The following TSHZ2 variants were observed in gnomAD, a reference collection of about 807,000 sequenced individuals.
The protein encoded by TSHZ2 is teashirt homolog 2.
Under a neutral mutation model 74.4 loss-of-function variants are expected in TSHZ2, and 21 were observed. That is an observed-to-expected ratio of 0.28 (90% CI 0.20 to 0.41). The LOEUF (loss-of-function observed/expected upper bound fraction) is 0.41. Ranked by LOEUF, TSHZ2 falls within the 10% of genes least tolerant of loss-of-function variation. The pLI is 1.00. For missense variants in TSHZ2, 1,244 were observed against 1,293.5 expected, an observed-to-expected ratio of 0.96 and a Z score of 0.59; for synonymous variants, 540 against 515.3, an observed-to-expected ratio of 1.05 and a Z score of -0.65.
chr20:53,060,543 G>A (rs1984786319), intron 1 of TSHZ2, among the ~76,000 whole-genome samples: 1 of 152,206 alleles, frequency 6.6e-6, no homozygotes, highest in Admixed American at 6.5e-5. Flanking sequence ...AATAAGTTAT[G>A]CTAAGTTAGA....
At chr20:53,043,546 TAAAA>T (rs550659829) in intron 1 of TSHZ2, among the ~76,000 whole-genome samples, 1 of 149,888 alleles carries the variant, frequency 6.7e-6, no homozygotes, top group Non-Finnish European at 1.5e-5. Context: ...ATCTTGCACT[TAAAA>T]AAAAAATCTC....
At chr20:53,302,565 T>TC (rs1193157836) in intron 2 of TSHZ2, among the ~76,000 whole-genome samples, 1 of 152,208 alleles carries the variant, frequency 6.6e-6, no homozygotes, top group Non-Finnish European at 1.5e-5. Context: ...GGTGCTGGGT[T>TC]CCCGGGAGAA....
At chr20:53,271,208 A>C (rs553930172) in intron 2 of TSHZ2, among the ~76,000 whole-genome samples, 1 of 152,160 alleles carries the variant, frequency 6.6e-6, no homozygotes, top group Non-Finnish European at 1.5e-5. Flanking sequence ...GGGGAAAAAC[A>C]TGGGTCCTGG....
At chr20:53,107,645 G>T (rs73142257) in intron 1 of TSHZ2, among the ~76,000 whole-genome samples, 10,683 of 152,258 alleles carry the variant, frequency 0.07, 449 homozygotes, top group Non-Finnish European at 0.1. Context: ...GTGGAGAGTA[G>T]TTGTCATAAT....
intron 2 of TSHZ2, among the ~76,000 whole-genome samples, chr20:53,282,762 C>G (rs967458233): frequency 6.6e-6 from 1 of 152,168 alleles, no homozygotes; most frequent in Admixed American, 6.5e-5. Flanking sequence ...TAGCCAGTGG[C>G]GTCATGCAGT....
At chr20:53,340,091 T>C (rs200610) in intron 2 of TSHZ2, among the ~76,000 whole-genome samples, 89,695 of 151,578 alleles carry the variant, frequency 0.59, 28,125 homozygotes, top group African/African-American at 0.78. Flanking sequence ...GATCATCTCT[T>C]TCCAGAAGCA....
Position 53,028,182 on chromosome 20 carries a change from A to G in TSHZ2, c.40+54849A>G, listed in dbSNP as rs372007644. 1.0e-3 allele frequency among the ~76,000 whole-genome samples: 154 copies of G among 152,282 alleles called. 1 individual carries two copies. The Middle Eastern group carries it at 0.014, about 13-fold the overall frequency. ...ATGTGGGTACCAAGTACCCCATATG[A>G]TAGAATAAGTACTGGAGAGACTGAG... On this transcript the variant is annotated intron_variant, in intron 1 of 2. Transcript: ENST00000371497.
chr20:53,404,745 A>G (rs1398959367), intron 2 of TSHZ2, among the ~76,000 whole-genome samples: 2 of 152,196 alleles, frequency 1.3e-5, no homozygotes, highest in Non-Finnish European at 2.9e-5. Flanking sequence ...TTATTAACGA[A>G]ATATCCTATA....
At position 53,423,536 on chromosome 20, in the gene TSHZ2, A is replaced by AAG. The variant is rs571156690; in HGVS notation, c.*9-63605_*9-63604dup. 5.4e-3 allele frequency among the ~76,000 whole-genome samples: 827 copies of AAG among 152,334 alleles called. 1 individual carries two copies. The highest frequency in any genetic ancestry group is 9.9e-3 in the Non-Finnish European group (672 of 68,036). On this transcript the variant is annotated intron_variant, in intron 2 of 2. Coordinates refer to ENST00000371497, the MANE Select transcript of TSHZ2 (RefSeq NM_173485.6). ...ATCTGCTCTCTCTGCAACTCTAGGC[A>AAG]AGAGTGCCCATTTAGCCCAGGGTAG...
At chr20:53,423,569 A>G (rs886477514) in intron 2 of TSHZ2, among the ~76,000 whole-genome samples, 5 of 152,192 alleles carry the variant, frequency 3.3e-5, no homozygotes, top group African/African-American at 7.2e-5. Context: ...TAGGGCCTCA[A>G]CAAACTCTAT....
chr20:53,481,258 C>T (rs3042261), intron 2 of TSHZ2, among the ~76,000 whole-genome samples: 30,327 of 151,946 alleles, frequency 0.2, 3,167 homozygotes, highest in East Asian at 0.29. Flanking sequence ...GAGGTTTTTA[C>T]TTTACTTTTC....
At chr20:53,359,671 G>T (rs1980978834) in intron 2 of TSHZ2, among the ~76,000 whole-genome samples, 1 of 152,218 alleles carries the variant, frequency 6.6e-6, no homozygotes, top group Admixed American at 6.5e-5. Context: ...AAATACAACA[G>T]CTCTGAGCCA....
At chr20:53,281,006 C>T (rs11907384) in intron 2 of TSHZ2, among the ~76,000 whole-genome samples, 21,608 of 152,076 alleles carry the variant, frequency 0.14, 1,859 homozygotes, top group African/African-American at 0.23. Context: ...GCAAGTATTC[C>T]TAAAAGTAAA....
chr20:52,986,131 C>T (rs986454355), intron 1 of TSHZ2, among the ~76,000 whole-genome samples: 1 of 152,164 alleles, frequency 6.6e-6, no homozygotes, highest in Non-Finnish European at 1.5e-5. Flanking sequence ...GTGGCTCACG[C>T]CTGTAATCCC....
chr20:53,106,391 CTTTTTTTTTTT>C (rs71194458), intron 1 of TSHZ2, among the ~76,000 whole-genome samples: 35 of 58,988 alleles, frequency 5.9e-4, no homozygotes, highest in East Asian at 5.1e-3. Context: ...CTCACACTTT[CTTTTTTTTTTT>C]TTTTTTTTTT....
intron 2 of TSHZ2, among the ~76,000 whole-genome samples, chr20:53,367,788 G>T (rs143059624): frequency 6.6e-6 from 1 of 151,924 alleles, no homozygotes. Flanking sequence ...AGCCAGGATG[G>T]TCTCAATCTC....
intron 1 of TSHZ2, among the ~76,000 whole-genome samples, chr20:53,163,617 G>C (rs796625046): frequency 1.4e-4 from 22 of 152,076 alleles, no homozygotes; most frequent in African/African-American, 5.1e-4. Context: ...CACGCTGGGG[G>C]ACAGCCAGTA....
intron 2 of TSHZ2, among the ~76,000 whole-genome samples, chr20:53,275,929 AAAAC>A (rs907389353): frequency 8.5e-4 from 130 of 152,358 alleles, no homozygotes; most frequent in African/African-American, 2.6e-3. Context: ...CTCCGTCTCA[AAAAC>A]AAACAAACAA....
At chr20:53,437,354 T>C (rs1390118143) in intron 2 of TSHZ2, among the ~76,000 whole-genome samples, 4 of 152,072 alleles carry the variant, frequency 2.6e-5, no homozygotes, top group African/African-American at 7.2e-5. Context: ...GTGCCTGTGA[T>C]CCCAGCTACT....
Sources: gnomAD v4.1 joint callset for allele counts (sites outside exome capture counted in the v4.1 genomes callset) on GRCh38, gnomAD v4.1.1 for gene constraint, MANE v1.5 for transcripts, NCBI Gene and HGNC (gene_info 2026-07-23, HGNC 2026-07-21) for gene names.